Variants in BTRC observed in about 807,000 individuals in gnomAD.
BTRC encodes the protein F-box/WD repeat-containing protein 1A.
Under a neutral mutation model 85.5 loss-of-function variants are expected in BTRC, and 42 were observed. That is an observed-to-expected ratio of 0.49 (90% CI 0.38 to 0.64). BTRC has a LOEUF of 0.64. BTRC is among the 30% of genes least tolerant of loss of function. The probability of loss-of-function intolerance (pLI) is 0.00; values close to 1 mark genes in which losing one functional copy is unlikely to be tolerated. For missense variants in BTRC, 594 were observed against 743.5 expected, an observed-to-expected ratio of 0.80 and a Z score of 2.34; for synonymous variants, 255 against 263.3, an observed-to-expected ratio of 0.97 and a Z score of 0.30.
At chr10:101,391,660 C>T (rs1314138147) in intron 1 of BTRC, among the ~76,000 whole-genome samples, 1 of 152,158 alleles carries the variant, frequency 6.6e-6, no homozygotes, top group East Asian at 1.9e-4. Flanking sequence ...CTCTCTAGAA[C>T]AGTAGCCTCC....
At chr10:101,438,503 C>T (rs113152873) in intron 2 of BTRC, among the ~76,000 whole-genome samples, 1 of 148,048 alleles carries the variant, frequency 6.8e-6, no homozygotes, top group African/African-American at 2.5e-5. Context: ...ATGTCTCACA[C>T]ATACACATAC....
chr10:101,527,972 G>A (rs1042460594), intron 6 of BTRC, among the ~76,000 whole-genome samples: 7 of 151,856 alleles, frequency 4.6e-5, no homozygotes, highest in African/African-American at 1.2e-4. Flanking sequence ...TATGGTATTC[G>A]GGGTCCATCA....
rs869163139 is a variant in BTRC at position 101,473,465 on chromosome 10, C to CTTT, written c.235-5882_235-5880dup. Among the ~76,000 whole-genome samples, 937 of 96,660 alleles carry CTTT rather than the reference C, an allele frequency of 9.7e-3. 1 individual carries two copies. Among genetic ancestry groups the CTTT allele is most frequent in the East Asian group, 0.025 (71 of 2,854 alleles). The allele number at this position is 96,660 out of a possible 152,430, so 63.4% of individuals were successfully genotyped here. A position where few individuals can be genotyped will look rare whatever the true frequency, so the allele number is the denominator to read the frequency against. ...TACCCAACTAATTTTTCTTTTTTCT[C>CTTT]TTTTTTTTTTTTTTTTTTTTTTTGA... is the stretch of plus-strand genomic sequence containing the variant. On this transcript the variant is annotated intron_variant, in intron 3 of 14. Coordinates refer to ENST00000370187, the MANE Select transcript of BTRC (RefSeq NM_033637.4).
At chr10:101,476,634 T>G (rs2134215711) in intron 3 of BTRC, among the ~76,000 whole-genome samples, 1 of 152,174 alleles carries the variant, frequency 6.6e-6, no homozygotes, top group Non-Finnish European at 1.5e-5. Flanking sequence ...AATTTTTTTT[T>G]TTTTTTAAAT....
chr10:101,470,882 T>C (rs1945507082), intron 3 of BTRC, among the ~76,000 whole-genome samples: 2 of 152,202 alleles, frequency 1.3e-5, no homozygotes, highest in Non-Finnish European at 2.9e-5. Context: ...TTTTCCCCCA[T>C]TGAATTACAT....
chr10:101,426,921 C>T (rs545726170), intron 1 of BTRC, among the ~76,000 whole-genome samples: 4 of 152,064 alleles, frequency 2.6e-5, no homozygotes, highest in Admixed American at 6.6e-5. Flanking sequence ...AGTGCCTCCT[C>T]GATTTTCTTC....
intron 2 of BTRC, among the ~76,000 whole-genome samples, chr10:101,450,570 A>G (rs1944933228): frequency 6.6e-6 from 1 of 152,154 alleles, no homozygotes; most frequent in South Asian, 2.1e-4. Context: ...ACAGGCACCA[A>G]TGCTGTTTGA....
intron 1 of BTRC, among the ~76,000 whole-genome samples, chr10:101,424,353 G>T (rs1944191516): frequency 6.6e-6 from 1 of 152,204 alleles, no homozygotes; most frequent in Non-Finnish European, 1.5e-5. Flanking sequence ...ACTAAATTGG[G>T]ATTCTTAAGA....
intron 1 of BTRC, among the ~76,000 whole-genome samples, chr10:101,380,712 G>C (rs1305997992): frequency 3.3e-5 from 5 of 152,142 alleles, no homozygotes; most frequent in Non-Finnish European, 2.9e-5. Context: ...TATTGGCATA[G>C]TGGAAATTAC....
At chr10:101,487,124 A>G (rs1946010235) in intron 4 of BTRC, among the ~76,000 whole-genome samples, 1 of 152,224 alleles carries the variant, frequency 6.6e-6, no homozygotes, top group Admixed American at 6.5e-5. Flanking sequence ...ATATGGGACA[A>G]AATAAAATCA....
chr10:101,385,036 A>C (rs1048232870), intron 1 of BTRC, among the ~76,000 whole-genome samples: 1 of 152,078 alleles, frequency 6.6e-6, no homozygotes, highest in Non-Finnish European at 1.5e-5. Context: ...CAGCCTGGTC[A>C]ACTTAGCAAG....
At chr10:101,486,430 C>A (rs1945989731) in intron 4 of BTRC, among the ~76,000 whole-genome samples, 1 of 60,404 alleles carries the variant, frequency 1.7e-5, no homozygotes, top group African/African-American at 4.1e-5. Context: ...AAAAGCGTGG[C>A]ACATTTCTCA....
At chr10:101,534,590 G>T in intron 9 of BTRC, 71 bp from the exon 10 acceptor site, 1 of 1,580,736 alleles carries the variant, frequency 6.3e-7, no homozygotes, top group Middle Eastern at 1.7e-4. Flanking sequence ...GGGTGGAAGG[G>T]CGCATGATGG....
At chr10:101,551,816 G>A (rs2062655076) in intron 14 of BTRC, among the ~76,000 whole-genome samples, 1 of 152,200 alleles carries the variant, frequency 6.6e-6, no homozygotes, top group African/African-American at 2.4e-5. Context: ...CAGGCTGTGT[G>A]CCCTTAGACA....
intron 1 of BTRC, chr10:101,354,516 A>G (rs998602261): frequency 2.2e-6 from 1 of 461,744 alleles, no homozygotes; most frequent in South Asian, 3.2e-5. Flanking sequence ...CTGGAGGGAA[A>G]GGGGCGTGGG....
intron 4 of BTRC, among the ~76,000 whole-genome samples, chr10:101,515,162 G>A (rs904274724): frequency 6.6e-6 from 1 of 152,004 alleles, no homozygotes. Flanking sequence ...TACCCTGTCA[G>A]CCAGGCTGGT....
chr10:101,370,936 A>G (rs1246054282), intron 1 of BTRC, among the ~76,000 whole-genome samples: 1 of 152,204 alleles, frequency 6.6e-6, no homozygotes, highest in African/African-American at 2.4e-5. Flanking sequence ...GTACCTATAT[A>G]CATACACACA....
chr10:101,366,766 T>TTATA (rs375980263), intron 1 of BTRC, among the ~76,000 whole-genome samples: 2,504 of 50,962 alleles, frequency 0.049, 121 homozygotes, highest in East Asian at 0.13. Context: ...CTTAATCTAG[T>TTATA]TATATATATA....
intron 4 of BTRC, among the ~76,000 whole-genome samples, chr10:101,487,071 C>G (rs1321519914): frequency 6.6e-6 from 1 of 151,834 alleles, no homozygotes; most frequent in Non-Finnish European, 1.5e-5. Flanking sequence ...AATTTTGATT[C>G]CTAAGTAATA....
Sources: allele counts gnomAD v4.1 joint callset (sites outside exome capture counted in the v4.1 genomes callset), GRCh38; gene constraint gnomAD v4.1.1; transcripts MANE v1.5; gene names NCBI Gene and HGNC (gene_info 2026-07-23, HGNC 2026-07-21).